Variants in CEP63 observed in about 807,000 individuals in gnomAD.
CEP63 encodes the protein centrosomal protein 63.
In CEP63, 84 loss-of-function variants were observed where a neutral mutation model predicts 89.1. The observed-to-expected ratio is 0.94, with a 90% CI of 0.79 to 1.13. CEP63 has a LOEUF of 1.13. Among genes scored for constraint, CEP63 ranks in the 50% most tolerant of loss-of-function variants. The pLI, the probability that CEP63 is intolerant of heterozygous loss-of-function variation, is 0.00. For synonymous variants in CEP63, 267 were observed against 272.5 expected, an observed-to-expected ratio of 0.98 and a Z score of 0.20; for missense variants, 838 against 813.3, an observed-to-expected ratio of 1.03 and a Z score of -0.37.
intron 3 of CEP63, among the ~76,000 whole-genome samples, chr3:134,521,074 A>G (rs958219991): frequency 1.3e-5 from 2 of 152,184 alleles, no homozygotes; most frequent in Admixed American, 6.5e-5. Flanking sequence ...AAGAACATCT[A>G]TAAATTAATA....
chr3:134,608,846 C>T, the CEP63 span: 1 of 1,602,144 alleles, frequency 6.2e-7, no homozygotes, highest in Non-Finnish European at 8.5e-7. Flanking sequence ...GTAGCTGGAG[C>T]AGAGACAAGC....
the CEP63 span, among the ~76,000 whole-genome samples, chr3:134,732,470 C>T: frequency 6.6e-6 from 1 of 151,836 alleles, no homozygotes; most frequent in South Asian, 2.1e-4. Flanking sequence ...TGATTAAACT[C>T]AGGAAAGAAA....
At chr3:134,665,702 C>CACACACAG in the CEP63 span, among the ~76,000 whole-genome samples, 535 of 102,314 alleles carry the variant, frequency 5.2e-3, 2 homozygotes, top group Non-Finnish European at 7.1e-3. Flanking sequence ...CACACACACA[C>CACACACAG]AGAGAGAGAG....
the CEP63 span, among the ~76,000 whole-genome samples, chr3:134,665,976 A>G: frequency 5.3e-5 from 8 of 152,118 alleles, no homozygotes; most frequent in Non-Finnish European, 1.2e-4. Flanking sequence ...AGAAAGACAG[A>G]GAGAACAACA....
chr3:134,518,239 A>T (rs996453107), intron 3 of CEP63, among the ~76,000 whole-genome samples: 1 of 152,188 alleles, frequency 6.6e-6, no homozygotes, highest in African/African-American at 2.4e-5. Flanking sequence ...AATTAATACA[A>T]CAAGCAGAGA....
chr3:134,724,954 T>A, the CEP63 span, among the ~76,000 whole-genome samples: 1 of 152,170 alleles, frequency 6.6e-6, no homozygotes, highest in East Asian at 1.9e-4. Flanking sequence ...TTCTAAACTC[T>A]CAATAATTGA....
the CEP63 span, among the ~76,000 whole-genome samples, chr3:134,645,161 G>A: frequency 6.6e-6 from 1 of 152,208 alleles, no homozygotes; most frequent in Non-Finnish European, 1.5e-5. Flanking sequence ...CTTTGTCCAG[G>A]ACCAAGGAAA....
chr3:134,635,240 T>A, the CEP63 span, among the ~76,000 whole-genome samples: 1 of 152,188 alleles, frequency 6.6e-6, no homozygotes, highest in African/African-American at 2.4e-5. Flanking sequence ...CTCATGCCTG[T>A]AATCCCAGCA....
At chr3:134,509,863 C>G (rs1324117389) in intron 3 of CEP63, among the ~76,000 whole-genome samples, 2 of 152,130 alleles carry the variant, frequency 1.3e-5, no homozygotes, top group Admixed American at 6.5e-5. Flanking sequence ...ATATATAAAT[C>G]TAATATGTAT....
chr3:134,752,827 C>T, the CEP63 span, among the ~76,000 whole-genome samples: 2 of 152,122 alleles, frequency 1.3e-5, no homozygotes, highest in Non-Finnish European at 2.9e-5. Context: ...CCTATGGCCA[C>T]ACTGGACCCT....
intron 11 of CEP63, chr3:134,574,674 C>T (rs567732061): frequency 3.6e-4 from 152 of 426,684 alleles, no homozygotes; most frequent in Middle Eastern, 2.4e-3. Flanking sequence ...GTGGTGCAGT[C>T]ACGGCTTACT....
Position 134,562,396 on chromosome 3 carries a change from C to T in CEP63, c.*861C>T, listed in dbSNP as rs1213272879. ...ACAGGAAATAGATCTAGCAAAGGAA[C>T]TAGAATGTGCAGTTACAGATGAGAA... On this transcript the variant is annotated 3_prime_UTR_variant, in exon 15 of 15. Transcript: ENST00000675561. 5.3e-6 allele frequency: 1 copy of T among 190,186 alleles called. No homozygotes were observed. Among genetic ancestry groups the T allele is most frequent in the Non-Finnish European group, 9.7e-6 (1 of 102,720 alleles). The allele number at this position is 190,186 out of a possible 1,614,324, so 11.8% of individuals were successfully genotyped here.
Position 134,510,479 on chromosome 3 carries a change from C to A in CEP63, c.222+3193C>A. On this transcript the variant is annotated intron_variant, in intron 3 of 14. Coordinates refer to ENST00000675561, the MANE Select transcript of CEP63 (RefSeq NM_001353108.3). ...CACCACCATGGAATCGACTGTTGAGCCTTTCTACTATTAATTACCATATAT... is the reference window on the plus strand; with the variant it reads ...CACCACCATGGAATCGACTGTTGAGACTTTCTACTATTAATTACCATATAT... 3 of 309,724 alleles carry A rather than the reference C, an allele frequency of 9.7e-6. No homozygotes were observed. The South Asian group carries it at 1.2e-4, about 12-fold the overall frequency. The allele number at this position is 309,724 out of a possible 1,614,324, so 19.2% of individuals were successfully genotyped here.
the CEP63 span, among the ~76,000 whole-genome samples, chr3:134,764,443 G>T: frequency 9.7e-3 from 1,474 of 152,200 alleles, 12 homozygotes; most frequent in Non-Finnish European, 0.015. Flanking sequence ...CTTGTTGTGG[G>T]TTCCCATCCT....
chr3:134,556,110 T>G (rs535044603), intron 12 of CEP63, among the ~76,000 whole-genome samples: 3,726 of 147,008 alleles, frequency 0.025, 137 homozygotes, highest in African/African-American at 0.089. Context: ...TTACACCTTA[T>G]ACAAAAATCA....
At chr3:134,745,129 C>G in the CEP63 span, among the ~76,000 whole-genome samples, 1 of 152,184 alleles carries the variant, frequency 6.6e-6, no homozygotes, top group Admixed American at 6.5e-5. Flanking sequence ...TAGCACTTCC[C>G]ACTGTTGCCT....
chr3:134,738,209 G>C, the CEP63 span, among the ~76,000 whole-genome samples: 3 of 150,946 alleles, frequency 2.0e-5, no homozygotes, highest in Non-Finnish European at 4.4e-5. Flanking sequence ...TGGAAATGCT[G>C]TTAATTCATT....
the CEP63 span, among the ~76,000 whole-genome samples, chr3:134,722,659 A>G: frequency 3.4e-3 from 512 of 152,292 alleles, 5 homozygotes; most frequent in African/African-American, 0.012. Flanking sequence ...GAGAACAATA[A>G]CATCTGCTTC....
intron 10 of CEP63, among the ~76,000 whole-genome samples, chr3:134,549,762 A>G (rs952742917): frequency 2.6e-5 from 4 of 152,200 alleles, no homozygotes; most frequent in Non-Finnish European, 4.4e-5. Flanking sequence ...ACTAAAAAAA[A>G]GAATGAAGGT....
Sources: allele counts gnomAD v4.1 joint callset (sites outside exome capture counted in the v4.1 genomes callset), GRCh38; gene constraint gnomAD v4.1.1; transcripts MANE v1.5; gene names NCBI Gene and HGNC (gene_info 2026-07-23, HGNC 2026-07-21).